SLC12A2: variants seen among roughly 807,000 people sequenced by gnomAD.
The protein encoded by SLC12A2 is solute carrier family 12 member 2, also known as Na-K-2Cl cotransporter 1.
Under a neutral mutation model 136.3 loss-of-function variants are expected in SLC12A2, and 67 were observed. The observed-to-expected ratio is 0.49, with a 90% confidence interval of 0.40 to 0.60. SLC12A2 has a LOEUF of 0.60. SLC12A2 is among the 20% of genes least tolerant of loss of function. The probability of loss-of-function intolerance (pLI) is 0.00; values close to 1 mark genes in which losing one functional copy is unlikely to be tolerated. For missense variants in SLC12A2, 1,322 were observed against 1,534.7 expected, an observed-to-expected ratio of 0.86 and a Z score of 2.32; for synonymous variants, 619 against 562.9, an observed-to-expected ratio of 1.10 and a Z score of -1.41.
chr5:128,169,838 G>T (rs898265445), intron 18 of SLC12A2: 1 of 152,186 alleles, frequency 6.6e-6, no homozygotes, highest in East Asian at 1.9e-4. Context: ...TGGAACACTG[G>T]AAGGGGTCTT....
At chr5:128,097,894 G>T (rs1760603075) in intron 1 of SLC12A2, among the ~76,000 whole-genome samples, 1 of 151,348 alleles carries the variant, frequency 6.6e-6, no homozygotes, top group Non-Finnish European at 1.5e-5. Context: ...AGTTCTCTTA[G>T]TTTTTTTTTA....
chr5:128,101,127 T>G (rs909515636), intron 1 of SLC12A2, among the ~76,000 whole-genome samples: 2 of 152,170 alleles, frequency 1.3e-5, no homozygotes, highest in African/African-American at 4.8e-5. Context: ...AAACAATACT[T>G]TGTTTTGAAA....
intron 20 of SLC12A2, among the ~76,000 whole-genome samples, chr5:128,176,877 A>T (rs1427769563): frequency 2.6e-5 from 4 of 152,096 alleles, no homozygotes; most frequent in Non-Finnish European, 5.9e-5. Flanking sequence ...TACAGAAATT[A>T]AATTTAGGGG....
chr5:128,162,371 A>G (rs916893106), intron 17 of SLC12A2, among the ~76,000 whole-genome samples: 4 of 152,150 alleles, frequency 2.6e-5, no homozygotes, highest in African/African-American at 9.7e-5. Flanking sequence ...AGCATGGGCC[A>G]GAATAAATCA....
intron 1 of SLC12A2, among the ~76,000 whole-genome samples, chr5:128,104,029 A>G (rs1258883139): frequency 3.9e-5 from 6 of 152,228 alleles, no homozygotes; most frequent in Non-Finnish European, 8.8e-5. Flanking sequence ...AGATCGAAAG[A>G]ATTCCTTGGG....
intron 13 of SLC12A2, 61 bp from the exon 14 acceptor site, chr5:128,151,180 T>C (rs1762687800): frequency 1.4e-6 from 2 of 1,429,994 alleles, no homozygotes; most frequent in Non-Finnish European, 1.9e-6. Flanking sequence ...TGAATACATA[T>C]GTACCATTGT....
rs767020474 is a variant in SLC12A2 at position 128,114,205 on chromosome 5, T to A, written c.877-7T>A. ...CTCTGTGTCTTGGCCTCTTTTTCCCTCTTTAGGTACGTTGTATGTTAAACA... is the reference window on the plus strand; with the variant it reads ...CTCTGTGTCTTGGCCTCTTTTTCCCACTTTAGGTACGTTGTATGTTAAACA... On this transcript the variant is annotated splice_region_variant and splice_polypyrimidine_tract_variant and intron_variant, in intron 2 of 26. Coordinates refer to ENST00000262461, the MANE Select transcript of SLC12A2 (RefSeq NM_001046.3). The A allele has an allele frequency of 5.0e-6, 8 of 1,609,096 alleles. No homozygotes were observed. Among genetic ancestry groups the A allele is most frequent in the Non-Finnish European group, 6.8e-6 (8 of 1,176,078 alleles).
At chr5:128,093,223 TTC>T (rs1760403901) in intron 1 of SLC12A2, among the ~76,000 whole-genome samples, 1 of 152,166 alleles carries the variant, frequency 6.6e-6, no homozygotes. Flanking sequence ...CTTCCTTGGC[TTC>T]TTAGTTTTCC....
intron 1 of SLC12A2, among the ~76,000 whole-genome samples, chr5:128,087,217 G>T (rs1331601994): frequency 6.6e-6 from 1 of 152,144 alleles, no homozygotes; most frequent in Non-Finnish European, 1.5e-5. Context: ...AGCCATTCTA[G>T]GACCAGTAGG....
At chr5:128,162,097 C>T (rs568051273) in intron 17 of SLC12A2, among the ~76,000 whole-genome samples, 2 of 152,126 alleles carry the variant, frequency 1.3e-5, no homozygotes, top group East Asian at 1.9e-4. Context: ...AGGTGGGAGG[C>T]TCAGAGTATT....
At position 128,084,034 on chromosome 5, in the gene SLC12A2, T is replaced by C; in HGVS notation, c.80T>C (p.Leu27Pro). The C allele has an allele frequency of 7.9e-7, 1 of 1,267,034 alleles. No individual in the cohort carries two copies. The highest frequency in any genetic ancestry group is 2.8e-5 in the South Asian group (1 of 36,234). The allele number at this position is 1,267,034 out of a possible 1,614,324, so 78.5% of individuals were successfully genotyped here. A position where few individuals can be genotyped will look rare whatever the true frequency, so the allele number is the denominator to read the frequency against. ...GGGGAGACGCCGTCAGCCGCTGCGC[T>C]GGCCGCAGCCAGGGTGGAACTGCCC... ...GVGETPSAAALAAARVELPGT... is the reference protein window; with the variant it reads ...GVGETPSAAAPAAARVELPGT... The change falls in exon 1 of 27, where the codon CTG becomes CCG. Residue 27 changes from leucine to proline, a missense_variant. Coordinates refer to ENST00000262461, the MANE Select transcript of SLC12A2 (RefSeq NM_001046.3). This position sits in a 1 kb window ranked among gnomAD's most constrained non-coding sequence, Gnocchi z 5.6.
Position 128,084,787 on chromosome 5 carries a change from C to A in SLC12A2, c.756+77C>A. The A allele has an allele frequency of 7.0e-7, 1 of 1,434,066 alleles. No homozygotes were observed. The highest frequency in any genetic ancestry group is 9.3e-7 in the Non-Finnish European group (1 of 1,080,920). 88.8% of individuals were successfully genotyped at this position (1,434,066 alleles called of 1,614,324 possible). A position where few individuals can be genotyped will look rare whatever the true frequency, so the allele number is the denominator to read the frequency against. ...GCGGGATGTGGCTGCAGACTCTTCC[C>A]GAGTTGAGGTGGCGGGAGTAGTAGA... On this transcript the variant is annotated intron_variant, in intron 1 of 26. Transcript: ENST00000262461. This position sits in a 1 kb window ranked among gnomAD's most constrained non-coding sequence, Gnocchi z 5.6.
At chr5:128,150,725 A>G (rs925962372) in intron 13 of SLC12A2, among the ~76,000 whole-genome samples, 8 of 151,858 alleles carry the variant, frequency 5.3e-5, no homozygotes, top group African/African-American at 1.9e-4. Flanking sequence ...TCCTTCATAA[A>G]TACTTCACTA....
At chr5:128,171,345 C>T (rs182480205) in intron 18 of SLC12A2, among the ~76,000 whole-genome samples, 3 of 151,984 alleles carry the variant, frequency 2.0e-5, no homozygotes, top group Admixed American at 6.6e-5. Context: ...ATAAATATAG[C>T]GGGATTCTGA....
At chr5:128,143,438 A>G (rs983502834) in intron 10 of SLC12A2, among the ~76,000 whole-genome samples, 2 of 152,172 alleles carry the variant, frequency 1.3e-5, no homozygotes, top group Non-Finnish European at 2.9e-5. Context: ...TACAAACTAG[A>G]CAGGTTAGTA....
intron 1 of SLC12A2, among the ~76,000 whole-genome samples, chr5:128,097,681 A>G (rs1433692629): frequency 1.3e-5 from 2 of 152,092 alleles, no homozygotes; most frequent in Non-Finnish European, 2.9e-5. Flanking sequence ...TTAAAACAGT[A>G]CTTTCTCTTT....
rs753731995 is a variant in SLC12A2 at position 128,084,761 on chromosome 5, C to G, written c.756+51C>G. On this transcript the variant is annotated intron_variant, in intron 1 of 26. Transcript: ENST00000262461. This position sits in a 1 kb window ranked among gnomAD's most constrained non-coding sequence, Gnocchi z 5.6. ...TCCCCAGCCCCTGGTGCATGCCGAC[C>G]GCGGGATGTGGCTGCAGACTCTTCC... 4.7e-6 allele frequency: 7 copies of G among 1,489,166 alleles called. No individual in the cohort carries two copies. In the East Asian group the frequency reaches 9.9e-5, roughly 21 times the overall value. The allele number at this position is 1,489,166 out of a possible 1,614,324, so 92.2% of individuals were successfully genotyped here.
At chr5:128,173,746 CT>C (rs1182189003) in intron 19 of SLC12A2, among the ~76,000 whole-genome samples, 1 of 152,102 alleles carries the variant, frequency 6.6e-6, no homozygotes, top group Non-Finnish European at 1.5e-5. Flanking sequence ...CATGTAGCTT[CT>C]TTTGTTTCTC....
chr5:128,163,912 T>G (rs540710052), intron 17 of SLC12A2, among the ~76,000 whole-genome samples: 7 of 152,306 alleles, frequency 4.6e-5, no homozygotes, highest in African/African-American at 1.7e-4. Flanking sequence ...TTATACTTTA[T>G]TTTTGTATGT....
Sources: allele counts gnomAD v4.1 joint callset (sites outside exome capture counted in the v4.1 genomes callset), GRCh38; gene constraint gnomAD v4.1.1; non-coding constraint Gnocchi (gnomAD v3.1); transcripts MANE v1.5; gene names NCBI Gene and HGNC (gene_info 2026-07-23, HGNC 2026-07-21).